The following LMNTD1 variants were observed in gnomAD, a reference collection of about 807,000 sequenced individuals.
The protein encoded by LMNTD1 is lamin tail domain containing 1, also known as lamin tail domain-containing protein 1.
LMNTD1 carries 35 observed loss-of-function variants against 50.9 expected under a neutral mutation model. The ratio of observed to expected loss-of-function variants is 0.69; its 90% CI spans 0.53 to 0.91. The LOEUF is 0.91. LMNTD1 is among the 40% of genes least tolerant of loss of function. The pLI is 0.00. For synonymous variants in LMNTD1, 153 were observed against 161.9 expected, an observed-to-expected ratio of 0.94 and a Z score of 0.42; for missense variants, 470 against 475.5, an observed-to-expected ratio of 0.99 and a Z score of 0.11.
At chr12:25,622,261 C>G (rs1266943885) in intron 1 of LMNTD1, among the ~76,000 whole-genome samples, 1 of 152,076 alleles carries the variant, frequency 6.6e-6, no homozygotes, top group Non-Finnish European at 1.5e-5. Flanking sequence ...AATAATGATT[C>G]TATTAGCTCC....
chr12:25,564,431 G>A (rs1348173049), intron 1 of LMNTD1, among the ~76,000 whole-genome samples: 3 of 152,044 alleles, frequency 2.0e-5, no homozygotes, highest in Non-Finnish European at 4.4e-5. Flanking sequence ...ACTAATTTTT[G>A]TATTTTTAGT....
At position 25,552,944 on chromosome 12, in the gene LMNTD1, C is replaced by T. The variant is rs530661144; in HGVS notation, c.16G>A (p.Asp6Asn). The change falls in exon 2 of 10, where the codon GAC (aspartate) becomes AAC (asparagine). Residue 6 changes from aspartate (D) to asparagine (N), a missense_variant. Transcript: ENST00000458174. The stretch of plus-strand genomic sequence containing the variant: ...ATTGCCTTCGAAGCTTCCTGAATGT[C>T]TTGTGTATCTTTCATCTTGGCTAGA... The part of the protein sequence containing the change: MKDTQ[D>N]IQEASKAMQN... 18 of 1,575,822 alleles carry T rather than the reference C, an allele frequency of 1.1e-5. No individual in the cohort carries two copies. Among genetic ancestry groups the T allele is most frequent in the Non-Finnish European group, 1.6e-5 (18 of 1,159,348 alleles).
intron 4 of LMNTD1, among the ~76,000 whole-genome samples, chr12:25,543,689 C>G (rs1238859830): frequency 1.3e-5 from 2 of 150,550 alleles, no homozygotes; most frequent in African/African-American, 2.4e-5. Flanking sequence ...AGATTGTTTA[C>G]TTGAAGCTTT....
intron 1 of LMNTD1, among the ~76,000 whole-genome samples, chr12:25,582,068 C>A (rs960937968): frequency 5.3e-5 from 8 of 152,196 alleles, no homozygotes. Flanking sequence ...TATCATGGGT[C>A]CCACAGCCAA....
Position 25,526,197 on chromosome 12 carries a change from C to CT in LMNTD1, c.699dup (p.Ala234SerfsTer18). The CT allele has an allele frequency of 3.1e-6, 5 of 1,610,560 alleles. No homozygotes were observed. Among genetic ancestry groups the CT allele is most frequent in the Non-Finnish European group, 4.2e-6 (5 of 1,178,234 alleles). ...AAATCTGATGGAGGTTGATGCTTTGCTTCAGATGCTGCTGCCCACACCTGT... is the reference window on the plus strand; with the variant it reads ...AAATCTGATGGAGGTTGATGCTTTGCTTTCAGATGCTGCTGCCCACACCTGT... On this transcript the variant is annotated frameshift_variant, in exon 6 of 10. Coordinates refer to ENST00000458174, the MANE Select transcript of LMNTD1 (RefSeq NM_001145728.2). LOFTEE classifies it high-confidence loss of function.
intron 6 of LMNTD1, among the ~76,000 whole-genome samples, chr12:25,522,262 A>G (rs189696280): frequency 6.6e-6 from 1 of 152,244 alleles, no homozygotes; most frequent in Admixed American, 6.5e-5. Flanking sequence ...AACATATTAT[A>G]TTTTGAAAAT....
chr12:25,555,075 A>G (rs1209174545), upstream of LMNTD1, among the ~76,000 whole-genome samples: 1 of 152,044 alleles, frequency 6.6e-6, no homozygotes, highest in Non-Finnish European at 1.5e-5. Context: ...TAAAAAAAAA[A>G]AAAAAAGATT....
intron 4 of LMNTD1, among the ~76,000 whole-genome samples, chr12:25,545,592 A>T (rs542420750): frequency 5.8e-4 from 88 of 151,818 alleles, no homozygotes; most frequent in Non-Finnish European, 1.2e-3. Context: ...GAAGCTTTGA[A>T]CATTTTATTT....
At chr12:25,575,137 A>G (rs1354708781) in intron 1 of LMNTD1, among the ~76,000 whole-genome samples, 1 of 152,120 alleles carries the variant, frequency 6.6e-6, no homozygotes, top group Non-Finnish European at 1.5e-5. Context: ...TTATTCTATC[A>G]GCTACCAAGA....
At chr12:25,573,278 A>G (rs1288008784) in intron 1 of LMNTD1, among the ~76,000 whole-genome samples, 5 of 152,082 alleles carry the variant, frequency 3.3e-5, no homozygotes, top group Non-Finnish European at 5.9e-5. Context: ...TAGTCTAACA[A>G]TTCCAATTGC....
chr12:25,512,724 G>C (rs1940397175), intron 8 of LMNTD1, among the ~76,000 whole-genome samples: 1 of 152,116 alleles, frequency 6.6e-6, no homozygotes, highest in African/African-American at 2.4e-5. Context: ...GAAGCTATGG[G>C]AGTGAGAGCT....
At chr12:25,490,088 G>C (rs1055493763) in intron 9 of LMNTD1, among the ~76,000 whole-genome samples, 2 of 152,208 alleles carry the variant, frequency 1.3e-5, no homozygotes, top group Non-Finnish European at 2.9e-5. Context: ...GTATCTGAAG[G>C]CTTTGGATAA....
chr12:25,519,586 T>TAAAAAAAAAAAGAAAA (rs781742784), intron 7 of LMNTD1, among the ~76,000 whole-genome samples: 1 of 74,956 alleles, frequency 1.3e-5, no homozygotes, highest in Non-Finnish European at 2.3e-5. Context: ...AGACTCTGTC[T>TAAAAAAAAAAAGAAAA]CAAAAAAAAA....
intron 1 of LMNTD1, among the ~76,000 whole-genome samples, chr12:25,585,107 C>T (rs1380396940): frequency 6.6e-6 from 1 of 152,158 alleles, no homozygotes; most frequent in Non-Finnish European, 1.5e-5. Flanking sequence ...GAGTCTGGGG[C>T]CAAAATAAAC....
At chr12:25,569,741 C>T (rs10082982) in intron 1 of LMNTD1, among the ~76,000 whole-genome samples, 10,874 of 152,098 alleles carry the variant, frequency 0.071, 526 homozygotes, top group African/African-American at 0.13. Context: ...GCCCACCTTG[C>T]TCTCTTGCTC....
chr12:25,491,501 A>G (rs1001719949), intron 9 of LMNTD1, among the ~76,000 whole-genome samples: 2 of 152,232 alleles, frequency 1.3e-5, no homozygotes, highest in Non-Finnish European at 2.9e-5. Flanking sequence ...ATTGCTAGAG[A>G]TGGGAATGCC....
intron 6 of LMNTD1, among the ~76,000 whole-genome samples, chr12:25,522,777 C>G (rs1228628756): frequency 6.6e-6 from 1 of 151,820 alleles, no homozygotes; most frequent in Non-Finnish European, 1.5e-5. Flanking sequence ...GCAAACCTGT[C>G]CCTGCTTTAA....
At chr12:25,556,593 T>C (rs959132535), upstream of LMNTD1, among the ~76,000 whole-genome samples, 5 of 152,198 alleles carry the variant, frequency 3.3e-5, no homozygotes, top group Non-Finnish European at 5.9e-5. Flanking sequence ...CTCTGTCTTC[T>C]TGGCACTCTG....
intron 1 of LMNTD1, among the ~76,000 whole-genome samples, chr12:25,610,128 A>G (rs1946209145): frequency 6.6e-6 from 1 of 152,134 alleles, no homozygotes; most frequent in African/African-American, 2.4e-5. Flanking sequence ...CTCTGTGGGC[A>G]TGGGACCTGC....
Sources: allele counts gnomAD v4.1 joint callset (sites outside exome capture counted in the v4.1 genomes callset), GRCh38; gene constraint gnomAD v4.1.1; transcripts MANE v1.5; gene names NCBI Gene and HGNC (gene_info 2026-07-23, HGNC 2026-07-21).